Variants in PAK4 observed in about 807,000 individuals in gnomAD.
The protein encoded by PAK4 is serine/threonine-protein kinase PAK 4.
In PAK4, 49 loss-of-function variants were observed where a neutral mutation model predicts 53.5. The observed-to-expected ratio is 0.92, with a 90% CI of 0.73 to 1.16. The LOEUF (loss-of-function observed/expected upper bound fraction) is 1.16, where lower values mean the gene tolerates loss of function less well. PAK4 is among the 50% of genes most tolerant of loss of function. The pLI is 0.00. For missense variants in PAK4, 824 were observed against 850.7 expected, an observed-to-expected ratio of 0.97 and a Z score of 0.39; for synonymous variants, 376 against 375.6, an observed-to-expected ratio of 1.00 and a Z score of -0.01.
At chr19:39,176,467 C>T in intron 6 of PAK4, 123 bp from the exon 8 acceptor site, 2 of 1,329,660 alleles carry the variant, frequency 1.5e-6, no homozygotes, top group Admixed American at 3.5e-5. Context: ...TGACCCTAGA[C>T]CCCAGCTCTG....
intron 1 of PAK4, among the ~76,000 whole-genome samples, chr19:39,149,356 T>C (rs2074057133): frequency 6.6e-6 from 1 of 152,222 alleles, no homozygotes; most frequent in South Asian, 2.1e-4. Flanking sequence ...GTGGATGGTC[T>C]TGAAAACATT....
At chr19:39,139,031 CT>C (rs2073867217) in intron 1 of PAK4, among the ~76,000 whole-genome samples, 1 of 152,176 alleles carries the variant, frequency 6.6e-6, no homozygotes, top group Non-Finnish European at 1.5e-5. Context: ...GATTCCTCCC[CT>C]GATTCACATC....
rs760830480 is a variant in PAK4 at position 39,175,484 on chromosome 19, G to T, written c.1359+46G>T. On this transcript the variant is annotated intron_variant, in intron 6 of 8. Coordinates refer to ENST00000358301, the Ensembl canonical transcript of PAK4. The surrounding 1 kb of genome is among the most constrained non-coding windows in gnomAD (Gnocchi z 4.7). ...GTACGGGGGCGGCAGGTTTCCGGCTGCGGGGCTTCCCTGCCTCTTCCCATC... is the reference window on the plus strand; with the variant it reads ...GTACGGGGGCGGCAGGTTTCCGGCTTCGGGGCTTCCCTGCCTCTTCCCATC... 1.9e-6 allele frequency: 3 copies of T among 1,554,938 alleles called. No homozygotes were observed. The highest frequency in any genetic ancestry group is 2.4e-5 in the South Asian group (2 of 84,420).
intron 1 of PAK4, among the ~76,000 whole-genome samples, chr19:39,163,844 G>A (rs1199268743): frequency 6.6e-6 from 1 of 152,134 alleles, no homozygotes; most frequent in Non-Finnish European, 1.5e-5. Flanking sequence ...CCTCTGAGCA[G>A]GGGAATAATG....
intron 1 of PAK4, chr19:39,168,809 T>C (rs942839207): frequency 6.6e-6 from 1 of 152,140 alleles, no homozygotes; most frequent in African/African-American, 2.4e-5. Flanking sequence ...ACCCAGGGGA[T>C]CAGTAACCCT....
chr19:39,178,428 C>T lies in PAK4; in HGVS notation c.1625C>T (p.Ser542Leu), dbSNP rs1600418998. 6.3e-7 allele frequency: 1 copy of T among 1,584,982 alleles called. No individual in the cohort carries two copies. Among genetic ancestry groups the T allele is most frequent in the Non-Finnish European group, 8.6e-7 (1 of 1,166,314 alleles). Residue 542 changes from serine (S) to leucine (L), a missense_variant, in exon 9 of 9, where the codon TCG (serine) becomes TTG (leucine). By Grantham distance (145) the Ser-to-Leu change is moderately radical. Transcript: ENST00000358301. The surrounding 1 kb of genome is among the most constrained non-coding windows in gnomAD (Gnocchi z 4.4). ...CCCTCCCCTCCTTCTCGACAGGTGT[C>T]GCCATCCCTGAAGGGCTTCCTGGAC... is the stretch of plus-strand genomic sequence containing the variant.
At chr19:39,152,702 TG>T (rs1234888657) in intron 1 of PAK4, among the ~76,000 whole-genome samples, 2 of 152,088 alleles carry the variant, frequency 1.3e-5, no homozygotes, top group African/African-American at 4.8e-5. Flanking sequence ...GCATTACGTT[TG>T]GGGGGGTGGA....
rs552712906 is a variant in PAK4, at chr19:39,169,847, A to G, written c.204+90A>G. 2.8e-4 allele frequency: 244 copies of G among 864,406 alleles called. 1 individual carries two copies. The African/African-American group carries it at 3.9e-3, about 14-fold the overall frequency. The allele number at this position is 864,406 out of a possible 1,614,324, so 53.5% of individuals were successfully genotyped here. A position where few individuals can be genotyped will look rare whatever the true frequency, so the allele number is the denominator to read the frequency against. ...CCCCACACTCGACCCTGTGACCGAC[A>G]CCTCCTCACTGACATGGAAATGGAG... On this transcript the variant is annotated intron_variant, in intron 2 of 8. Coordinates refer to ENST00000358301, the Ensembl canonical transcript of PAK4.
chr19:39,130,034 A>G (rs2073670409), intron 1 of PAK4, among the ~76,000 whole-genome samples: 1 of 136,926 alleles, frequency 7.3e-6, no homozygotes, highest in African/African-American at 2.5e-5. Context: ...AGACGGTGAC[A>G]GCCCAGAGAG....
chr19:39,154,720 G>A (rs998161859), intron 1 of PAK4, among the ~76,000 whole-genome samples: 8 of 152,034 alleles, frequency 5.3e-5, no homozygotes, highest in East Asian at 1.9e-4. Flanking sequence ...TCCACTCCCC[G>A]CCAGAGCCCA....
intron 1 of PAK4, among the ~76,000 whole-genome samples, chr19:39,138,180 G>A (rs1460120292): frequency 1.3e-5 from 2 of 151,980 alleles, no homozygotes; most frequent in East Asian, 1.9e-4. Context: ...TAGAGGTGGG[G>A]TTTCACTATG....
intron 1 of PAK4, among the ~76,000 whole-genome samples, chr19:39,169,253 G>C (rs1455054628): frequency 2.0e-5 from 3 of 151,812 alleles, no homozygotes; most frequent in Non-Finnish European, 2.9e-5. Context: ...TCTCCAGGGG[G>C]GGTGAGAACA....
At chr19:39,165,665 C>G (rs2074364071) in intron 1 of PAK4, among the ~76,000 whole-genome samples, 1 of 152,204 alleles carries the variant, frequency 6.6e-6, no homozygotes, top group Non-Finnish European at 1.5e-5. Context: ...AGGTTCAAAT[C>G]CTGGCTGCTT....
chr19:39,128,627 G>A (rs2073636779), intron 1 of PAK4, among the ~76,000 whole-genome samples: 1 of 152,246 alleles, frequency 6.6e-6, no homozygotes, highest in African/African-American at 2.4e-5. Flanking sequence ...AGGGCTTTCA[G>A]TATAATGAAA....
At chr19:39,166,973 C>T (rs2074386173) in intron 1 of PAK4, among the ~76,000 whole-genome samples, 2 of 152,332 alleles carry the variant, frequency 1.3e-5, no homozygotes, top group Admixed American at 6.5e-5. Context: ...TATCCGGAGG[C>T]GTGCCCCTTG....
At chr19:39,145,199 A>C (rs2073979689) in intron 1 of PAK4, among the ~76,000 whole-genome samples, 1 of 151,608 alleles carries the variant, frequency 6.6e-6, no homozygotes, top group African/African-American at 2.4e-5. Flanking sequence ...CTGCCCAGCT[A>C]AAAGACGAAA....
chr19:39,168,090 G>C (rs2074408657), intron 1 of PAK4, 140 bp from the exon 2 acceptor site: 1 of 152,224 alleles, frequency 6.6e-6, no homozygotes, highest in African/African-American at 2.4e-5. Flanking sequence ...GGACAGGTCT[G>C]TCTGCCCCAC....
At chr19:39,172,188 A>G (rs887643930) in intron 2 of PAK4, among the ~76,000 whole-genome samples, 2 of 139,048 alleles carry the variant, frequency 1.4e-5, no homozygotes, top group Non-Finnish European at 3.1e-5. Context: ...TGTTCCAGGC[A>G]GAGGGAGCCG....
chr19:39,174,795 G>A, intron 4 of PAK4, 136 bp from the exon 6 acceptor site: 1 of 963,816 alleles, frequency 1.0e-6, no homozygotes, highest in Non-Finnish European at 1.5e-6. Context: ...TGGCAGTAGG[G>A]GAGGGCAGTC....
Sources: allele counts gnomAD v4.1 joint callset (sites outside exome capture counted in the v4.1 genomes callset), GRCh38; gene constraint gnomAD v4.1.1; non-coding constraint Gnocchi (gnomAD v3.1); transcripts MANE v1.5; gene names NCBI Gene and HGNC (gene_info 2026-07-23, HGNC 2026-07-21).